The following SLC2A13 variants were observed in gnomAD, a reference collection of about 807,000 sequenced individuals.
SLC2A13 encodes proton myo-inositol cotransporter.
Under a neutral mutation model 64.4 loss-of-function variants are expected in SLC2A13, and 32 were observed. That is an observed-to-expected ratio of 0.50 (90% CI 0.37 to 0.67). The LOEUF is 0.67. Among genes scored for constraint, SLC2A13 ranks in the 30% least tolerant of loss-of-function variants. The pLI, the probability that SLC2A13 is intolerant of heterozygous loss-of-function variation, is 0.00. For synonymous variants in SLC2A13, 338 were observed against 327.1 expected (o/e 1.03, Z -0.36); for missense variants, 743 against 829.2 (o/e 0.90, Z 1.28).
chr12:40,002,699 G>C (rs1337715142), intron 3 of SLC2A13, among the ~76,000 whole-genome samples: 10 of 152,212 alleles, frequency 6.6e-5, no homozygotes, highest in East Asian at 3.9e-4. Context: ...CCCCGTGAAG[G>C]GTTCAAAGTC....
chr12:40,072,631 CTT>C (rs939996664), intron 1 of SLC2A13, among the ~76,000 whole-genome samples: 2 of 152,108 alleles, frequency 1.3e-5, no homozygotes, highest in African/African-American at 4.8e-5. Context: ...ACTCATGTGT[CTT>C]TATCCCTGAT....
chr12:40,021,825 C>G (rs1017174034), intron 3 of SLC2A13, among the ~76,000 whole-genome samples: 1 of 152,078 alleles, frequency 6.6e-6, no homozygotes, highest in East Asian at 1.9e-4. Context: ...TCAATTGCAA[C>G]GAGTATTTGA....
chr12:39,904,446 A>G (rs914010529), intron 4 of SLC2A13, among the ~76,000 whole-genome samples: 1 of 152,132 alleles, frequency 6.6e-6, no homozygotes, highest in African/African-American at 2.4e-5. Context: ...CTTTCTAAGG[A>G]CAGTAGTCCC....
intron 1 of SLC2A13, among the ~76,000 whole-genome samples, chr12:40,072,375 A>T (rs1272705695): frequency 6.6e-6 from 1 of 152,098 alleles, no homozygotes; most frequent in Non-Finnish European, 1.5e-5. Flanking sequence ...TGTTGGATGA[A>T]GTAGTCTACA....
intron 6 of SLC2A13, among the ~76,000 whole-genome samples, chr12:39,838,392 G>C (rs1188905309): frequency 6.8e-6 from 1 of 146,068 alleles, no homozygotes; most frequent in Non-Finnish European, 1.5e-5. Context: ...CCTAATGCTA[G>C]ATGACGAGTT....
intron 6 of SLC2A13, among the ~76,000 whole-genome samples, chr12:39,834,720 C>G (rs1942960958): frequency 2.0e-5 from 3 of 152,014 alleles, no homozygotes; most frequent in Non-Finnish European, 4.4e-5. Context: ...CTGCCTCTGT[C>G]TTCTGGAGGA....
intron 3 of SLC2A13, among the ~76,000 whole-genome samples, chr12:39,978,992 C>A (rs1029388755): frequency 7.3e-5 from 11 of 150,270 alleles, no homozygotes; most frequent in Admixed American, 3.3e-4. Flanking sequence ...GGGCAGACTG[C>A]CTCCTCAAGT....
Position 40,042,972 on chromosome 12 carries a change from A to C in SLC2A13, c.716+5079T>G, listed in dbSNP as rs1468290896. Among the ~76,000 whole-genome samples, 5 of 151,682 alleles carry C rather than the reference A, an allele frequency of 3.3e-5. No individual in the cohort carries two copies. The East Asian group carries it at 5.8e-4, about 18-fold the overall frequency. ...GAGCATAAGAATGAAAAAAAAAAAAAAAAAACTAGAAACATGACAAAGCAA... is the reference window on the plus strand; with the variant it reads ...GAGCATAAGAATGAAAAAAAAAAAACAAAAACTAGAAACATGACAAAGCAA... On this transcript the variant is annotated intron_variant, in intron 2 of 9. Transcript: ENST00000280871.
intron 6 of SLC2A13, 116 bp downstream of exon 6, chr12:39,864,646 C>T: frequency 7.2e-7 from 1 of 1,380,898 alleles, no homozygotes; most frequent in Non-Finnish European, 9.8e-7. Flanking sequence ...TCCCTTCTTA[C>T]ATAAGCCTGG....
chr12:39,958,155 A>C (rs1349509292), intron 3 of SLC2A13, among the ~76,000 whole-genome samples: 1 of 152,172 alleles, frequency 6.6e-6, no homozygotes, highest in African/African-American at 2.4e-5. Flanking sequence ...CCTGAATCTA[A>C]TACATTGCCA....
chr12:40,024,688 T>C (rs1420964875), intron 3 of SLC2A13, among the ~76,000 whole-genome samples: 1 of 152,214 alleles, frequency 6.6e-6, no homozygotes, highest in Admixed American at 6.5e-5. Flanking sequence ...CTTGTCAGTC[T>C]TATTTACTGC....
At chr12:39,776,215 C>T (rs939162733) in intron 7 of SLC2A13, among the ~76,000 whole-genome samples, 5 of 152,294 alleles carry the variant, frequency 3.3e-5, no homozygotes, top group African/African-American at 1.2e-4. Flanking sequence ...CTCCATTGTG[C>T]GGTTCCTTCA....
chr12:39,856,455 G>A (rs968321765), intron 6 of SLC2A13, among the ~76,000 whole-genome samples: 2 of 152,114 alleles, frequency 1.3e-5, no homozygotes, highest in Non-Finnish European at 2.9e-5. Context: ...TGTAACCTCT[G>A]CCTCCCGGGC....
chr12:39,766,761 A>G (rs756663354), intron 7 of SLC2A13, among the ~76,000 whole-genome samples: 50 of 152,224 alleles, frequency 3.3e-4, no homozygotes, highest in Non-Finnish European at 4.6e-4. Flanking sequence ...AGTAGATTCC[A>G]TCTCAGAAAC....
chr12:39,776,840 G>GTGA (rs1328728761), intron 7 of SLC2A13, among the ~76,000 whole-genome samples: 5 of 152,134 alleles, frequency 3.3e-5, no homozygotes, highest in African/African-American at 1.2e-4. Flanking sequence ...TTATAACAAA[G>GTGA]TGATGGCTAG....
At chr12:39,980,820 G>A (rs1375861823) in intron 3 of SLC2A13, among the ~76,000 whole-genome samples, 1,795 of 151,854 alleles carry the variant, frequency 0.012, 15 homozygotes, top group African/African-American at 0.026. Flanking sequence ...TGCACCAAGC[G>A]GACCTAACAG....
rs1345813162 is a variant in SLC2A13, at chr12:39,756,955, TAC to T, written c.*3069_*3070del. ...GGAACAAAATTTAAAATGGACACAT[TAC>T]CTTTTATTATTTATTATTTAAATAT... On this transcript the variant is annotated 3_prime_UTR_variant, in exon 10 of 10. Transcript: ENST00000280871. 6.6e-6 allele frequency: 1 copy of T among 151,520 alleles called. No individual in the cohort carries two copies. Among genetic ancestry groups the T allele is most frequent in the Non-Finnish European group, 1.5e-5 (1 of 67,668 alleles). 9.4% of individuals were successfully genotyped at this position (151,520 alleles called of 1,614,324 possible). A position where few individuals can be genotyped will look rare whatever the true frequency, so the allele number is the denominator to read the frequency against.
At chr12:40,064,659 C>G (rs1937654593) in intron 1 of SLC2A13, among the ~76,000 whole-genome samples, 1 of 152,154 alleles carries the variant, frequency 6.6e-6, no homozygotes, top group African/African-American at 2.4e-5. Flanking sequence ...AGTAGACTGA[C>G]TTTCCACCAT....
chr12:39,839,991 T>C (rs949538423), intron 6 of SLC2A13, among the ~76,000 whole-genome samples: 2 of 152,116 alleles, frequency 1.3e-5, no homozygotes. Flanking sequence ...CAATTCTATG[T>C]CTCAAGCATG....
Sources: allele counts gnomAD v4.1 joint callset (sites outside exome capture counted in the v4.1 genomes callset), GRCh38; gene constraint gnomAD v4.1.1; transcripts MANE v1.5; gene names NCBI Gene and HGNC (gene_info 2026-07-23, HGNC 2026-07-21).